The following CSMD1 variants were observed in gnomAD, a reference collection of about 807,000 sequenced individuals.
CSMD1 encodes the protein CUB and sushi domain-containing protein 1.
CSMD1 carries 213 observed loss-of-function variants against 417.5 expected under a neutral mutation model. The observed-to-expected ratio is 0.51, with a 90% CI of 0.46 to 0.57. The LOEUF is 0.57. CSMD1 is among the 20% of genes least tolerant of loss of function. The pLI, the probability that CSMD1 is intolerant of heterozygous loss-of-function variation, is 0.00. For missense variants in CSMD1, 6,923 were observed against 4,529.7 expected, an observed-to-expected ratio of 1.53 and a Z score of -15.17; for synonymous variants, 2,862 against 1,736.8, an observed-to-expected ratio of 1.65 and a Z score of -16.11.
At chr8:4,454,516 G>C (rs1799352341) in intron 2 of CSMD1, among the ~76,000 whole-genome samples, 1 of 152,118 alleles carries the variant, frequency 6.6e-6, no homozygotes, top group Non-Finnish European at 1.5e-5. Flanking sequence ...TGGAAGCAAA[G>C]AAAAAGTGTG....
At position 2,962,499 on chromosome 8, in the gene CSMD1, C is replaced by T. The variant is rs750133575; in HGVS notation, c.9595G>A (p.Gly3199Ser). ...GTGGGTTGTATGCCGCTCCACGTGCCGTCAGCTTGGCAGACTCTTCTGGAG... is the reference window on the plus strand; with the variant it reads ...GTGGGTTGTATGCCGCTCCACGTGCTGTCAGCTTGGCAGACTCTTCTGGAG... ...GSSRRVCQADGTWSGIQPTCI... is the reference protein window; with the variant it reads ...GSSRRVCQADSTWSGIQPTCI... Residue 3199 changes from glycine (G) to serine (S), a missense_variant, in exon 61 of 70, where the codon GGC becomes AGC. Coordinates refer to ENST00000635120, the MANE Select transcript of CSMD1 (RefSeq NM_033225.6). The T allele has an allele frequency of 6.8e-6, 11 of 1,613,746 alleles. No individual in the cohort carries two copies. Among genetic ancestry groups the T allele is most frequent in the African/African-American group, 5.3e-5 (4 of 74,908 alleles).
At chr8:3,565,738 T>G (rs1380503103) in intron 10 of CSMD1, among the ~76,000 whole-genome samples, 1 of 152,240 alleles carries the variant, frequency 6.6e-6, no homozygotes, top group Non-Finnish European at 1.5e-5. Context: ...TACTAGCAGT[T>G]GTTCATTAAG....
intron 50 of CSMD1, among the ~76,000 whole-genome samples, chr8:3,051,094 T>G (rs1437920972): frequency 6.6e-6 from 1 of 152,220 alleles, no homozygotes; most frequent in African/African-American, 2.4e-5. Flanking sequence ...ATCCCATTAC[T>G]GGGTATATAC....
chr8:3,148,834 C>A (rs1819011485), intron 40 of CSMD1, among the ~76,000 whole-genome samples: 1 of 152,222 alleles, frequency 6.6e-6, no homozygotes, highest in Non-Finnish European at 1.5e-5. Flanking sequence ...GTATCTATTA[C>A]TGTTTAGAGG....
chr8:4,008,040 G>A (rs191846510), intron 4 of CSMD1, among the ~76,000 whole-genome samples: 3 of 152,120 alleles, frequency 2.0e-5, no homozygotes, highest in Admixed American at 6.5e-5. Flanking sequence ...TGCTTTGCTT[G>A]TTTTCAGCAA....
intron 29 of CSMD1, among the ~76,000 whole-genome samples, chr8:3,217,323 G>A (rs540977930): frequency 5.3e-4 from 81 of 152,322 alleles, no homozygotes; most frequent in African/African-American, 1.7e-3. Context: ...CCTCCAGTTA[G>A]ATGGCCATAC....
At chr8:4,626,908 T>C (rs1293080717) in intron 2 of CSMD1, among the ~76,000 whole-genome samples, 1 of 152,196 alleles carries the variant, frequency 6.6e-6, no homozygotes, top group African/African-American at 2.4e-5. Flanking sequence ...CTTTATTATT[T>C]TTAGTACATT....
Position 3,357,025 on chromosome 8 carries a change from C to T in CSMD1, c.3304+2127G>A, listed in dbSNP as rs373854960. Among the ~76,000 whole-genome samples the T allele has an allele frequency of 2.8e-4, 42 of 150,182 alleles. No homozygotes were observed. In the East Asian group the frequency reaches 7.2e-3, roughly 26 times the overall value. ...GCCAGGGAAAGCATCAGGGGGACTGCGGGGTTCTGGAGTGAGGTGGGGCTA... is the reference window on the plus strand; with the variant it reads ...GCCAGGGAAAGCATCAGGGGGACTGTGGGGTTCTGGAGTGAGGTGGGGCTA... On this transcript the variant is annotated intron_variant, in intron 21 of 69. Coordinates refer to ENST00000635120, the MANE Select transcript of CSMD1 (RefSeq NM_033225.6).
chr8:3,466,272 G>A (rs1346932769), intron 12 of CSMD1, among the ~76,000 whole-genome samples: 2 of 151,922 alleles, frequency 1.3e-5, no homozygotes, highest in Admixed American at 6.6e-5. Context: ...TTCAGTTACT[G>A]GGCAGCAGAA....
At chr8:3,960,848 C>T (rs891387872) in intron 5 of CSMD1, among the ~76,000 whole-genome samples, 3 of 151,848 alleles carry the variant, frequency 2.0e-5, no homozygotes, top group African/African-American at 4.8e-5. Context: ...GTAACATTGT[C>T]ATAAAATGAC....
intron 3 of CSMD1, among the ~76,000 whole-genome samples, chr8:4,315,554 G>C (rs1798872036): frequency 6.6e-6 from 1 of 152,190 alleles, no homozygotes; most frequent in Non-Finnish European, 1.5e-5. Flanking sequence ...AAATCACACA[G>C]TGCTTAAGGA....
intron 10 of CSMD1, among the ~76,000 whole-genome samples, chr8:3,506,412 G>C (rs945516558): frequency 6.6e-6 from 1 of 152,094 alleles, no homozygotes; most frequent in African/African-American, 2.4e-5. Flanking sequence ...CATGTGTAGA[G>C]AGGAGAAGGT....
At chr8:4,852,670 T>A (rs185543784) in intron 1 of CSMD1, among the ~76,000 whole-genome samples, 1 of 151,972 alleles carries the variant, frequency 6.6e-6, no homozygotes, top group Non-Finnish European at 1.5e-5. Context: ...TTGGAAGAGT[T>A]TGGAGGACTC....
At chr8:3,871,043 C>G (rs1355228505) in intron 5 of CSMD1, among the ~76,000 whole-genome samples, 1 of 151,954 alleles carries the variant, frequency 6.6e-6, no homozygotes, top group Non-Finnish European at 1.5e-5. Flanking sequence ...AAATCTCCAT[C>G]TTTGTGTATT....
At position 4,002,033 on chromosome 8, in the gene CSMD1, T is replaced by C. The variant is rs1815720032; in HGVS notation, c.611-3923A>G. Among the ~76,000 whole-genome samples, 4 of 152,234 alleles carry C rather than the reference T, an allele frequency of 2.6e-5. No individual in the cohort carries two copies. In the South Asian group the frequency reaches 8.3e-4, roughly 32 times the overall value. ...GCAAGATATATTAGAATTGTTTGTATAGCACTCCACATAAAATATAGTAGA... is the reference window on the plus strand; with the variant it reads ...GCAAGATATATTAGAATTGTTTGTACAGCACTCCACATAAAATATAGTAGA... On this transcript the variant is annotated intron_variant, in intron 4 of 69. Coordinates refer to ENST00000635120, the MANE Select transcript of CSMD1 (RefSeq NM_033225.6).
At chr8:3,727,015 T>C (rs966760175) in intron 6 of CSMD1, among the ~76,000 whole-genome samples, 2 of 152,188 alleles carry the variant, frequency 1.3e-5, no homozygotes, top group Non-Finnish European at 2.9e-5. Context: ...CCTCAATATT[T>C]GCATTTATTT....
At chr8:3,593,321 C>T (rs1370370183) in intron 8 of CSMD1, among the ~76,000 whole-genome samples, 2 of 152,180 alleles carry the variant, frequency 1.3e-5, no homozygotes, top group Admixed American at 6.5e-5. Flanking sequence ...TGGAGAAGCC[C>T]CTGTGTCTCC....
At chr8:4,614,817 T>C (rs1012974812) in intron 2 of CSMD1, among the ~76,000 whole-genome samples, 2 of 152,218 alleles carry the variant, frequency 1.3e-5, no homozygotes, top group Non-Finnish European at 2.9e-5. Flanking sequence ...TCTTAAAAGA[T>C]AATCAGACAT....
chr8:4,105,653 G>C (rs766672192), intron 3 of CSMD1, among the ~76,000 whole-genome samples: 6 of 152,172 alleles, frequency 3.9e-5, no homozygotes, highest in Non-Finnish European at 1.5e-5. Flanking sequence ...GGTGGAACGT[G>C]GTTTCTGACC....
Sources: gnomAD v4.1 joint callset for allele counts (sites outside exome capture counted in the v4.1 genomes callset) on GRCh38, gnomAD v4.1.1 for gene constraint, MANE v1.5 for transcripts, NCBI Gene and HGNC (gene_info 2026-07-23, HGNC 2026-07-21) for gene names.